The following NAP1L4 variants were observed in gnomAD, a reference collection of about 807,000 sequenced individuals.
NAP1L4 encodes nucleosome assembly protein 1-like 4.
A neutral mutation model predicts 58.2 loss-of-function variants in NAP1L4; 15 were observed. The ratio of observed to expected loss-of-function variants is 0.26; its 90% CI spans 0.17 to 0.40. NAP1L4 has a LOEUF of 0.40. Among genes scored for constraint, NAP1L4 ranks in the 10% least tolerant of loss-of-function variants. The pLI, the probability that NAP1L4 is intolerant of heterozygous loss-of-function variation, is 1.00. For synonymous variants in NAP1L4, 171 were observed against 155.6 expected (o/e 1.10, Z -0.74); for missense variants, 384 against 451.1 (o/e 0.85, Z 1.35).
chr11:2,965,674 C>A (rs573195008), intron 7 of NAP1L4, among the ~76,000 whole-genome samples: 2 of 152,284 alleles, frequency 1.3e-5, no homozygotes, highest in African/African-American at 4.8e-5. Context: ...GGACTACAGG[C>A]ACCCGCCAAC....
intron 12 of NAP1L4, among the ~76,000 whole-genome samples, chr11:2,952,958 C>CTT (rs3059005): frequency 0.58 from 87,759 of 151,942 alleles, 25,856 homozygotes; most frequent in East Asian, 0.88. Flanking sequence ...TAGTAAAACA[C>CTT]TTTATGCCAA....
rs115585384 is a variant in NAP1L4 at position 2,956,086 on chromosome 11, G to C, written c.893-320C>G. 2.6e-3 allele frequency among the ~76,000 whole-genome samples: 393 copies of C among 152,298 alleles called. 3 individuals are homozygous for C. The highest frequency in any genetic ancestry group is 9.2e-3 in the African/African-American group (381 of 41,572). Reference sequence around the variant, plus strand: ...AGGAGGAATGGCAAACAGCCCCCAGGCTGTGGCCATTCAGTGCATTTGTGC... The same window carrying C: ...AGGAGGAATGGCAAACAGCCCCCAGCCTGTGGCCATTCAGTGCATTTGTGC... On this transcript the variant is annotated intron_variant, in intron 10 of 15. Coordinates refer to ENST00000380542, the MANE Select transcript of NAP1L4 (RefSeq NM_005969.4).
Position 2,990,956 on chromosome 11 carries a change from A to G in NAP1L4, c.-18+1298T>C, listed in dbSNP as rs114502571. 974 of 366,522 alleles carry G rather than the reference A, an allele frequency of 2.7e-3. 8 individuals are homozygous for G. The highest frequency in any genetic ancestry group is 0.019 in the African/African-American group (902 of 47,112). 22.7% of individuals were successfully genotyped at this position (366,522 alleles called of 1,614,324 possible). A position where few individuals can be genotyped will look rare whatever the true frequency, so the allele number is the denominator to read the frequency against. ...CTACATATTTGTATATTTCTAAGGTAAGAGAATTTTTAAAAGTCTATTTTC... is the reference window on the plus strand; with the variant it reads ...CTACATATTTGTATATTTCTAAGGTGAGAGAATTTTTAAAAGTCTATTTTC... On this transcript the variant is annotated intron_variant, in intron 1 of 15. Transcript: ENST00000380542.
At chr11:2,988,744 T>C (rs776343980) in intron 1 of NAP1L4, among the ~76,000 whole-genome samples, 17 of 152,208 alleles carry the variant, frequency 1.1e-4, no homozygotes, top group Non-Finnish European at 2.4e-4. Flanking sequence ...TGAACATACA[T>C]TTCGTTTTTA....
At chr11:2,979,532 G>A (rs1590263773) in intron 1 of NAP1L4, among the ~76,000 whole-genome samples, 1 of 152,136 alleles carries the variant, frequency 6.6e-6, no homozygotes, top group South Asian at 2.1e-4. Context: ...AAGCACTTTG[G>A]GAGGCCGAGG....
At chr11:2,985,797 G>C (rs966941140) in intron 1 of NAP1L4, among the ~76,000 whole-genome samples, 2 of 152,126 alleles carry the variant, frequency 1.3e-5, no homozygotes, top group Admixed American at 1.3e-4. Context: ...CCCTCCCAAG[G>C]TCAAAAACTT....
Position 2,971,353 on chromosome 11 carries a change from G to A in NAP1L4, c.402+95C>T. On this transcript the variant is annotated intron_variant, in intron 6 of 15. Transcript: ENST00000380542. This position sits in a 1 kb window ranked among gnomAD's most constrained non-coding sequence, Gnocchi z 4.2. ...GATGCAGCAGCACCTACTGTTAGAAGCACATAAGTTTACTAGTCATTAAAA... is the reference window on the plus strand; with the variant it reads ...GATGCAGCAGCACCTACTGTTAGAAACACATAAGTTTACTAGTCATTAAAA... 2 of 1,052,214 alleles carry A rather than the reference G, an allele frequency of 1.9e-6. No individual in the cohort carries two copies. The highest frequency in any genetic ancestry group is 2.6e-5 in the East Asian group (1 of 38,890). 65.2% of individuals were successfully genotyped at this position (1,052,214 alleles called of 1,614,324 possible).
intron 1 of NAP1L4, among the ~76,000 whole-genome samples, chr11:2,982,831 G>A (rs976200163): frequency 2.0e-5 from 3 of 152,110 alleles, no homozygotes; most frequent in Non-Finnish European, 4.4e-5. Flanking sequence ...GACCAGCCTG[G>A]CCAACATGGT....
At chr11:2,984,166 CA>C (rs35188952) in intron 1 of NAP1L4, among the ~76,000 whole-genome samples, 2,547 of 80,506 alleles carry the variant, frequency 0.032, 62 homozygotes, top group African/African-American at 0.11. Flanking sequence ...GACCCTGCCT[CA>C]AAAAAAAAAA....
chr11:2,953,059 G>A (rs1590220428), intron 12 of NAP1L4, among the ~76,000 whole-genome samples: 1 of 152,216 alleles, frequency 6.6e-6, no homozygotes, highest in East Asian at 1.9e-4. Flanking sequence ...TTACAGCTGA[G>A]GAAACTGAAG....
At position 2,987,388 on chromosome 11, in the gene NAP1L4, G is replaced by A. The variant is rs1196894626; in HGVS notation, c.-18+4866C>T. ...CAAACTCCTGACCCTCAGGTGATCT[G>A]CCCACCTCAGCTTCCCCCAAAGTGC... is the stretch of plus-strand genomic sequence containing the variant. On this transcript the variant is annotated intron_variant, in intron 1 of 15. Coordinates refer to ENST00000380542, the MANE Select transcript of NAP1L4 (RefSeq NM_005969.4). Among the ~76,000 whole-genome samples the A allele has an allele frequency of 2.0e-5, 3 of 151,404 alleles. No homozygotes were observed. The East Asian group carries it at 6.0e-4, about 31-fold the overall frequency.
intron 10 of NAP1L4, among the ~76,000 whole-genome samples, chr11:2,957,657 C>T (rs1319590473): frequency 6.6e-6 from 1 of 152,150 alleles, no homozygotes; most frequent in African/African-American, 2.4e-5. Flanking sequence ...TGAAAAATCC[C>T]AAGAAATTTA....
rs1408813849 is a variant in NAP1L4 at position 2,948,704 on chromosome 11, T to TA, written c.*32+522dup. Among the ~76,000 whole-genome samples the TA allele has an allele frequency of 9.8e-5, 15 of 152,302 alleles. No individual in the cohort carries two copies. The highest frequency in any genetic ancestry group is 1.9e-4 in the Non-Finnish European group (13 of 68,022). On this transcript the variant is annotated intron_variant, in intron 15 of 15. Transcript: ENST00000380542. The surrounding 1 kb of genome is among the most constrained non-coding windows in gnomAD (Gnocchi z 5.1). ...AACAGATGCCAGTTCATGTTTCAGA[T>TA]AAAAAATGCTGGCACAGTAAAAGCT...
intron 14 of NAP1L4, among the ~76,000 whole-genome samples, chr11:2,950,128 C>G (rs1432435398): frequency 1.3e-5 from 2 of 152,246 alleles, no homozygotes; most frequent in East Asian, 1.9e-4. Flanking sequence ...GTGATGCACG[C>G]AAGGCAGACC....
rs946808427 is a variant in NAP1L4, at chr11:2,954,105, T to C, written c.1035+422A>G. On this transcript the variant is annotated intron_variant, in intron 12 of 15. Transcript: ENST00000380542. This position sits in a 1 kb window ranked among gnomAD's most constrained non-coding sequence, Gnocchi z 4.8. The stretch of plus-strand genomic sequence containing the variant: ...TTTTTTTCCTTTTTACCTAATTAGA[T>C]AGAAGTTCAGGAATTTCTATTTCTT... Among the ~76,000 whole-genome samples the C allele has an allele frequency of 2.3e-4, 35 of 152,188 alleles. No homozygotes were observed. The highest frequency in any genetic ancestry group is 7.5e-4 in the African/African-American group (31 of 41,442).
intron 8 of NAP1L4, chr11:2,963,899 G>A (rs1222703054): frequency 3.9e-6 from 2 of 519,246 alleles, no homozygotes. Context: ...TGCTCCCTGG[G>A]AGAACCAGGC....
At chr11:2,962,113 G>C (rs916483163) in intron 8 of NAP1L4, among the ~76,000 whole-genome samples, 1 of 83,228 alleles carries the variant, frequency 1.2e-5, no homozygotes, top group Admixed American at 1.0e-4. Flanking sequence ...CCAACTGAAC[G>C]ACCTTTGGGC....
At position 2,979,212 on chromosome 11, in the gene NAP1L4, A is replaced by G; in HGVS notation, c.9T>C (p.Asp3=). 3.1e-6 allele frequency: 5 copies of G among 1,611,714 alleles called. No individual in the cohort carries two copies. Among genetic ancestry groups the G allele is most frequent in the Non-Finnish European group, 4.2e-6 (5 of 1,178,904 alleles). MA[D]HSFSDGVPSD... Reference sequence around the variant, plus strand: ...CAAAGTCCACTTTGGCTTACCTGTGATCTGCCATCTGAATGTTTTTATCCC... The same window carrying G: ...CAAAGTCCACTTTGGCTTACCTGTGGTCTGCCATCTGAATGTTTTTATCCC... The change falls in exon 2 of 16, where the codon GAT becomes GAC. Residue 3 remains aspartate, a synonymous_variant. Coordinates refer to ENST00000380542, the MANE Select transcript of NAP1L4 (RefSeq NM_005969.4).
intron 7 of NAP1L4, among the ~76,000 whole-genome samples, chr11:2,965,432 G>T (rs1564980689): frequency 6.6e-6 from 1 of 152,290 alleles, no homozygotes; most frequent in East Asian, 1.9e-4. Flanking sequence ...CACAGAGAAG[G>T]TACAGTAAGA....
Sources: gnomAD v4.1 joint callset for allele counts (sites outside exome capture counted in the v4.1 genomes callset) on GRCh38, gnomAD v4.1.1 for gene constraint, Gnocchi (gnomAD v3.1) non-coding constraint, MANE v1.5 for transcripts, NCBI Gene and HGNC (gene_info 2026-07-23, HGNC 2026-07-21) for gene names.